Variants in INPP5A observed in about 807,000 individuals in gnomAD.
INPP5A encodes 43 kDa inositol polyphosphate 5-phophatase.
Under a neutral mutation model 65.2 loss-of-function variants are expected in INPP5A, and 14 were observed. The observed-to-expected ratio is 0.21, with a 90% confidence interval of 0.14 to 0.34. The LOEUF is 0.34. Among genes scored for constraint, INPP5A ranks in the 10% least tolerant of loss-of-function variants. The pLI, the probability that INPP5A is intolerant of heterozygous loss-of-function variation, is 1.00. For synonymous variants in INPP5A, 207 were observed against 208.3 expected (o/e 0.99, Z 0.05); for missense variants, 431 against 545.6 (o/e 0.79, Z 2.09).
At chr10:132,641,867 C>T (rs919110500) in intron 2 of INPP5A, among the ~76,000 whole-genome samples, 4 of 152,202 alleles carry the variant, frequency 2.6e-5, no homozygotes, top group South Asian at 2.1e-4. Flanking sequence ...GTGGGAACCC[C>T]GGGCTTCTCC....
intron 2 of INPP5A, among the ~76,000 whole-genome samples, chr10:132,608,337 C>T (rs970671402): frequency 1.3e-5 from 2 of 152,212 alleles, no homozygotes; most frequent in African/African-American, 4.8e-5. Context: ...GTCCGTGCAG[C>T]GCACTCTGTG....
chr10:132,773,770 A>G (rs536151044), intron 12 of INPP5A, among the ~76,000 whole-genome samples: 5 of 152,090 alleles, frequency 3.3e-5, no homozygotes, highest in Non-Finnish European at 7.4e-5. Flanking sequence ...GATACGGGCG[A>G]GGGGAGCACC....
chr10:132,572,319 C>T (rs2071353964), intron 1 of INPP5A, among the ~76,000 whole-genome samples: 1 of 152,214 alleles, frequency 6.6e-6, no homozygotes, highest in Non-Finnish European at 1.5e-5. Flanking sequence ...TGGCAAGATG[C>T]CCCTGGTGTG....
At chr10:132,728,479 T>G (rs1590962586) in intron 9 of INPP5A, among the ~76,000 whole-genome samples, 1 of 152,186 alleles carries the variant, frequency 6.6e-6, no homozygotes, top group Non-Finnish European at 1.5e-5. Context: ...GGCGGGGCCC[T>G]GTCATAGGCT....
Position 132,704,463 on chromosome 10 carries a change from T to C in INPP5A, c.475-3850T>C, listed in dbSNP as rs1845499738. Among the ~76,000 whole-genome samples the C allele has an allele frequency of 6.6e-6, 1 of 152,212 alleles. No homozygotes were observed. The highest frequency in any genetic ancestry group is 2.1e-4 in the South Asian group (1 of 4,838). On this transcript the variant is annotated intron_variant, in intron 6 of 15. Transcript: ENST00000368594. This position sits in a 1 kb window ranked among gnomAD's most constrained non-coding sequence, Gnocchi z 4.5. Reference sequence around the variant, plus strand: ...TCGGCCCGAGGGTTGGGTGTGTGCCTGTGTGTTGGACGCCAGCCCGCGGCG... The same window carrying C: ...TCGGCCCGAGGGTTGGGTGTGTGCCCGTGTGTTGGACGCCAGCCCGCGGCG...
At chr10:132,573,483 C>T (rs1404001254) in intron 1 of INPP5A, among the ~76,000 whole-genome samples, 5 of 60,236 alleles carry the variant, frequency 8.3e-5, no homozygotes, top group Admixed American at 1.9e-4. Flanking sequence ...GTGTACGTGC[C>T]GTGTGAGGTT....
chr10:132,764,226 C>T (rs1846789052), intron 11 of INPP5A, among the ~76,000 whole-genome samples: 2 of 152,368 alleles, frequency 1.3e-5, no homozygotes, highest in South Asian at 2.1e-4. Flanking sequence ...GGATAATGGA[C>T]GAGGTCACAG....
In INPP5A at chr10:132,616,462, G is replaced by A. The variant is rs1033190978; in HGVS notation, c.117+8506G>A. The stretch of plus-strand genomic sequence containing the variant: ...TATTGGGAACATGGTGGTGACGCAG[G>A]ATGTGGTGGTGGTGTAGAATGTGGT... On this transcript the variant is annotated intron_variant, in intron 2 of 15. Coordinates refer to ENST00000368594, the MANE Select transcript of INPP5A (RefSeq NM_005539.5). The surrounding 1 kb of genome is among the most constrained non-coding windows in gnomAD (Gnocchi z 4.9). Among the ~76,000 whole-genome samples, 5 of 152,170 alleles carry A rather than the reference G, an allele frequency of 3.3e-5. No homozygotes were observed. Among genetic ancestry groups the A allele is most frequent in the Admixed American group, 1.3e-4 (2 of 15,282 alleles).
intron 5 of INPP5A, among the ~76,000 whole-genome samples, chr10:132,695,127 C>G (rs1359633391): frequency 6.6e-6 from 1 of 152,078 alleles, no homozygotes; most frequent in African/African-American, 2.4e-5. Context: ...CAACAAAATT[C>G]TCAAGAGTCA....
chr10:132,539,716 G>A (rs541514890), intron 1 of INPP5A, among the ~76,000 whole-genome samples: 6 of 135,678 alleles, frequency 4.4e-5, no homozygotes, highest in South Asian at 5.4e-4. Flanking sequence ...TAGGTGAACA[G>A]TGGGGCACCG....
intron 8 of INPP5A, among the ~76,000 whole-genome samples, chr10:132,715,143 C>G (rs1845718369): frequency 1.3e-5 from 2 of 152,232 alleles, no homozygotes; most frequent in Admixed American, 1.3e-4. Context: ...GCCAGAGGTG[C>G]ACGTCAGCCT....
At chr10:132,672,356 C>T (rs537660957) in intron 4 of INPP5A, among the ~76,000 whole-genome samples, 1 of 152,108 alleles carries the variant, frequency 6.6e-6, no homozygotes, top group Non-Finnish European at 1.5e-5. Context: ...TTGGCTGCGT[C>T]CCCACCCAAA....
intron 6 of INPP5A, among the ~76,000 whole-genome samples, chr10:132,703,658 CCA>C (rs377671777): frequency 3.3e-5 from 4 of 120,368 alleles, no homozygotes; most frequent in Non-Finnish European, 5.2e-5. Flanking sequence ...CCGCACACCC[CCA>C]CACACACACA....
intron 1 of INPP5A, among the ~76,000 whole-genome samples, chr10:132,541,080 A>G (rs2133239128): frequency 6.8e-6 from 1 of 146,250 alleles, no homozygotes; most frequent in Non-Finnish European, 1.5e-5. Context: ...TGCAGCCTCG[A>G]CCGCCCTGAC....
At chr10:132,771,412 G>A (rs1407650570) in intron 12 of INPP5A, among the ~76,000 whole-genome samples, 1 of 152,268 alleles carries the variant, frequency 6.6e-6, no homozygotes, top group East Asian at 1.9e-4. Context: ...GCCGGCGCCG[G>A]CAGTTTTACC....
intron 2 of INPP5A, among the ~76,000 whole-genome samples, chr10:132,619,424 T>C (rs1004262631): frequency 2.0e-5 from 3 of 152,140 alleles, no homozygotes; most frequent in African/African-American, 7.2e-5. Flanking sequence ...CTTTGCAGGG[T>C]TCAGCCCCCA....
chr10:132,758,611 GA>G (rs1846675128), intron 11 of INPP5A, among the ~76,000 whole-genome samples: 1 of 151,966 alleles, frequency 6.6e-6, no homozygotes, highest in Non-Finnish European at 1.5e-5. Context: ...CCAGTGCGAT[GA>G]TGTGGGTCCC....
intron 4 of INPP5A, among the ~76,000 whole-genome samples, chr10:132,687,622 T>C (rs1481934440): frequency 6.6e-6 from 1 of 152,238 alleles, no homozygotes; most frequent in Non-Finnish European, 1.5e-5. Flanking sequence ...CCCTGTCATC[T>C]AGCCTGGGGG....
At chr10:132,735,150 C>A (rs1206597468) in intron 9 of INPP5A, among the ~76,000 whole-genome samples, 1 of 152,190 alleles carries the variant, frequency 6.6e-6, no homozygotes, top group Non-Finnish European at 1.5e-5. Flanking sequence ...GTCCTCCCCA[C>A]CCTCTGCAAC....
Sources: allele counts gnomAD v4.1 joint callset (sites outside exome capture counted in the v4.1 genomes callset), GRCh38; gene constraint gnomAD v4.1.1; non-coding constraint Gnocchi (gnomAD v3.1); transcripts MANE v1.5; gene names NCBI Gene and HGNC (gene_info 2026-07-23, HGNC 2026-07-21).